Variants in COL5A2 observed in about 807,000 individuals in gnomAD.
The protein encoded by COL5A2 is collagen type V alpha 2 chain.
In COL5A2, 23 loss-of-function variants were observed where a neutral mutation model predicts 208.2. The observed-to-expected ratio is 0.11, with a 90% CI of 0.08 to 0.16. COL5A2 has a LOEUF of 0.16. Among genes scored for constraint, COL5A2 ranks in the 10% least tolerant of loss-of-function variants. The pLI, the probability that COL5A2 is intolerant of heterozygous loss-of-function variation, is 1.00. For synonymous variants in COL5A2, 625 were observed against 628.5 expected (o/e 0.99, Z 0.08); for missense variants, 1,590 against 1,956.4 (o/e 0.81, Z 3.53).
At chr2:189,233,232 T>C in the COL5A2 span, among the ~76,000 whole-genome samples, 1 of 151,760 alleles carries the variant, frequency 6.6e-6, no homozygotes, top group African/African-American at 2.4e-5. Context: ...ACTGCTTTCA[T>C]TTTGTTTCTA....
At chr2:189,064,320 T>A (rs1667146857) in intron 25 of COL5A2, among the ~76,000 whole-genome samples, 1 of 152,186 alleles carries the variant, frequency 6.6e-6, no homozygotes, top group African/African-American at 2.4e-5. Context: ...TGCCAAGTGA[T>A]AAAGCTATTA....
intron 1 of COL5A2, among the ~76,000 whole-genome samples, chr2:189,135,822 T>C (rs985921422): frequency 1.3e-5 from 2 of 152,242 alleles, no homozygotes; most frequent in African/African-American, 4.8e-5. Context: ...CTAACTGTTT[T>C]ATATTCTTGA....
At position 189,092,426 on chromosome 2, in the gene COL5A2, A is replaced by T. The variant is rs756707881; in HGVS notation, c.457-6T>A. 2.9e-5 allele frequency: 46 copies of T among 1,569,136 alleles called. No individual in the cohort carries two copies. The highest frequency in any genetic ancestry group is 3.9e-5 in the Non-Finnish European group (45 of 1,150,354). ...CCCTGAGGTCCACGAGGGCCCTGGA[A>T]AACAAGCCAGTTAAAATTAGAACCC... On this transcript the variant is annotated splice_polypyrimidine_tract_variant and splice_region_variant and intron_variant, in intron 6 of 53. Coordinates refer to ENST00000374866, the MANE Select transcript of COL5A2 (RefSeq NM_000393.5).
At chr2:189,418,108 T>G in the COL5A2 span, among the ~76,000 whole-genome samples, 2 of 152,094 alleles carry the variant, frequency 1.3e-5, no homozygotes, top group African/African-American at 4.8e-5. Flanking sequence ...TATGACTGAT[T>G]TATGAACTCA....
intron 1 of COL5A2, among the ~76,000 whole-genome samples, chr2:189,200,992 T>C (rs1201056563): frequency 1.5e-5 from 2 of 130,738 alleles, no homozygotes; most frequent in East Asian, 4.5e-4. Context: ...AAAAGAAATA[T>C]CATGGAAACC....
chr2:189,430,640 C>G, the COL5A2 span, among the ~76,000 whole-genome samples: 1 of 152,196 alleles, frequency 6.6e-6, no homozygotes, highest in South Asian at 2.1e-4. Flanking sequence ...GGAGGGGCAT[C>G]CTCCATTGCT....
chr2:189,329,402 T>A, the COL5A2 span, among the ~76,000 whole-genome samples: 1 of 152,168 alleles, frequency 6.6e-6, no homozygotes. Context: ...ATACATCTAT[T>A]GTACAGCATG....
the COL5A2 span, among the ~76,000 whole-genome samples, chr2:189,378,373 C>T: frequency 6.6e-6 from 1 of 152,072 alleles, no homozygotes; most frequent in East Asian, 1.9e-4. Context: ...TTTAAGTTCC[C>T]TGAAAAACAA....
rs142456302 is a variant in COL5A2 at position 189,057,587 on chromosome 2, T to C, written c.2230-160A>G. Among the ~76,000 whole-genome samples, 188 of 152,350 alleles carry C rather than the reference T, an allele frequency of 1.2e-3. 4 individuals are homozygous for C. The East Asian group carries it at 0.027, about 22-fold the overall frequency. On this transcript the variant is annotated intron_variant, in intron 33 of 53. Transcript: ENST00000374866. ...AAAGTTGTCTCTGAGTGAGTTGATA[T>C]TTTGAAATTAAAAAAACCAGATTTT...
At chr2:189,295,086 G>A in the COL5A2 span, among the ~76,000 whole-genome samples, 1 of 152,090 alleles carries the variant, frequency 6.6e-6, no homozygotes, top group Admixed American at 6.6e-5. Flanking sequence ...TGGAATTACA[G>A]GTGTGAGCCA....
chr2:189,245,183 A>G, the COL5A2 span, among the ~76,000 whole-genome samples: 2 of 152,322 alleles, frequency 1.3e-5, no homozygotes, highest in East Asian at 3.9e-4. Flanking sequence ...AATGTTTCTT[A>G]TAATTTATAA....
chr2:189,422,728 AG>A, the COL5A2 span, among the ~76,000 whole-genome samples: 1 of 152,216 alleles, frequency 6.6e-6, no homozygotes, highest in East Asian at 1.9e-4. Flanking sequence ...GAGGAACTTC[AG>A]AAAATTCACC....
the COL5A2 span, among the ~76,000 whole-genome samples, chr2:189,355,562 T>C: frequency 6.6e-6 from 1 of 152,276 alleles, no homozygotes; most frequent in Middle Eastern, 3.4e-3. Flanking sequence ...TTGATCTTCG[T>C]TGGTTTAAAG....
At chr2:189,057,954 A>G (rs1012307969) in intron 33 of COL5A2, among the ~76,000 whole-genome samples, 2 of 152,144 alleles carry the variant, frequency 1.3e-5, no homozygotes, top group African/African-American at 4.8e-5. Flanking sequence ...TTTTCTACCA[A>G]TCACTAAATG....
the COL5A2 span, among the ~76,000 whole-genome samples, chr2:189,357,701 G>T: frequency 7.0e-6 from 1 of 143,536 alleles, no homozygotes; most frequent in Non-Finnish European, 1.5e-5. Context: ...CCTGGCTTCA[G>T]CCCCCTTTCC....
chr2:189,397,160 C>G, the COL5A2 span, among the ~76,000 whole-genome samples: 5 of 152,072 alleles, frequency 3.3e-5, no homozygotes, highest in South Asian at 1.0e-3. Flanking sequence ...AGAGTGGAGA[C>G]TTTATGAAGG....
chr2:189,072,006 C>G (rs778249128), intron 18 of COL5A2, 34 bp downstream of exon 18: 2 of 1,366,034 alleles, frequency 1.5e-6, no homozygotes, highest in African/African-American at 2.9e-5. Flanking sequence ...AATCATGTAG[C>G]GTTAAATACT....
At chr2:189,204,186 C>T (rs1293214443) in intron 1 of COL5A2, among the ~76,000 whole-genome samples, 1 of 152,142 alleles carries the variant, frequency 6.6e-6, no homozygotes, top group Non-Finnish European at 1.5e-5. Context: ...CGTGAGCCAC[C>T]GCGCCCAGCC....
At chr2:189,074,150 T>A (rs1056029283) in intron 17 of COL5A2, among the ~76,000 whole-genome samples, 1 of 152,168 alleles carries the variant, frequency 6.6e-6, no homozygotes, top group Non-Finnish European at 1.5e-5. Context: ...GTCTTAGCCA[T>A]CTTCATTTCA....
Sources: allele counts gnomAD v4.1 joint callset (sites outside exome capture counted in the v4.1 genomes callset), GRCh38; gene constraint gnomAD v4.1.1; transcripts MANE v1.5; gene names NCBI Gene and HGNC (gene_info 2026-07-23, HGNC 2026-07-21).